Variants in ANKRD26 observed in about 807,000 individuals in gnomAD.
ANKRD26 encodes the protein ankyrin repeat domain-containing protein 26.
ANKRD26 carries 141 observed loss-of-function variants against 208.7 expected under a neutral mutation model. That is an observed-to-expected ratio of 0.68 (90% CI 0.59 to 0.78). ANKRD26 has a LOEUF of 0.78. ANKRD26 is among the 30% of genes least tolerant of loss of function. The probability of loss-of-function intolerance (pLI) is 0.00; values close to 1 mark genes in which losing one functional copy is unlikely to be tolerated. For synonymous variants in ANKRD26, 636 were observed against 660.4 expected (o/e 0.96, Z 0.57); for missense variants, 1,889 against 1,938.7 (o/e 0.97, Z 0.48).
chr10:26,956,516 T>C, the ANKRD26 span, among the ~76,000 whole-genome samples: 2 of 152,102 alleles, frequency 1.3e-5, no homozygotes, highest in African/African-American at 2.4e-5. Context: ...TCTGTAATCG[T>C]AGCACTTTGG....
chr10:26,957,594 T>G, the ANKRD26 span, among the ~76,000 whole-genome samples: 1 of 152,128 alleles, frequency 6.6e-6, no homozygotes, highest in African/African-American at 2.4e-5. Flanking sequence ...GGGTATGGTA[T>G]CTGACTAATT....
chr10:27,061,795 G>T, intron 12 of ANKRD26: 3 of 276,750 alleles, frequency 1.1e-5, no homozygotes, highest in Non-Finnish European at 1.6e-5. Flanking sequence ...AAACTCCTGG[G>T]CTCCAGCAAC....
chr10:27,002,247 G>A (rs369775520), downstream of ANKRD26, among the ~76,000 whole-genome samples: 18 of 152,240 alleles, frequency 1.2e-4, no homozygotes, highest in African/African-American at 3.1e-4. Flanking sequence ...CTTAGGGGCC[G>A]GGACACAAGA....
chr10:27,095,318 C>T (rs7910430), intron 1 of ANKRD26, among the ~76,000 whole-genome samples: 72,899 of 151,900 alleles, frequency 0.48, 20,792 homozygotes, highest in Non-Finnish European at 0.64. Context: ...CATAAATTTT[C>T]AAAAGGGTAA....
Position 27,037,185 on chromosome 10 carries a change from C to T in ANKRD26, c.2697+1G>A, listed in dbSNP as rs1354561255. The stretch of plus-strand genomic sequence containing the variant: ...AAAATGACTAAAGGAAATAGAAATA[C>T]CTCAGAATTCATTTTCTTTTGAGCC... On this transcript the variant is annotated splice_donor_variant, in intron 23 of 33. Transcript: ENST00000376087. LOFTEE classifies it high-confidence loss of function. 1.9e-6 allele frequency: 3 copies of T among 1,612,780 alleles called. No homozygotes were observed. The highest frequency in any genetic ancestry group is 2.2e-5 in the South Asian group (2 of 91,012).
chr10:27,098,589 C>G lies in ANKRD26; in HGVS notation c.242+1496G>C, dbSNP rs1401286107. Among the ~76,000 whole-genome samples the G allele has an allele frequency of 7.3e-5, 11 of 149,894 alleles. No individual in the cohort carries two copies. The East Asian group carries it at 2.1e-3, about 29-fold the overall frequency. On this transcript the variant is annotated intron_variant, in intron 1 of 33. Coordinates refer to ENST00000376087, the MANE Select transcript of ANKRD26 (RefSeq NM_014915.3). ...TTTGAGACGGAGTCTTGCTCTGTCG[C>G]CCAGGCTGGAGTGCAGTGGCGTGAT... is the stretch of plus-strand genomic sequence containing the variant.
intron 22 of ANKRD26, 125 bp from the exon 23 acceptor site, chr10:27,037,448 ATTAC>A: frequency 9.7e-7 from 1 of 1,026,754 alleles, no homozygotes; most frequent in South Asian, 1.5e-5. Context: ...AAGAACCTTT[ATTAC>A]TCAAGAATTA....
intron 25 of ANKRD26, among the ~76,000 whole-genome samples, chr10:27,030,942 TA>T (rs1282177283): frequency 1.3e-5 from 2 of 152,158 alleles, no homozygotes; most frequent in Admixed American, 6.5e-5. Context: ...AATTTATAAT[TA>T]GACAAGTTTC....
At chr10:27,052,925 C>A (rs1369881278) in intron 16 of ANKRD26, among the ~76,000 whole-genome samples, 1 of 152,122 alleles carries the variant, frequency 6.6e-6, no homozygotes, top group South Asian at 2.1e-4. Context: ...ATGATTACTC[C>A]TTTAAGATGA....
chr10:27,053,317 T>C lies in ANKRD26; in HGVS notation c.1635+3A>G. The C allele has an allele frequency of 6.3e-7, 1 of 1,594,564 alleles. No individual in the cohort carries two copies. ...ACCAGAAATTTTTAAAAATATATAA[T>C]ACCTGTGGCTGGTTATTTTCACTCC... is the stretch of plus-strand genomic sequence containing the variant. On this transcript the variant is annotated splice_donor_region_variant and intron_variant, in intron 16 of 33. Coordinates refer to ENST00000376087, the MANE Select transcript of ANKRD26 (RefSeq NM_014915.3).
At chr10:27,039,541 AAT>A (rs1404420116) in intron 21 of ANKRD26, among the ~76,000 whole-genome samples, 1 of 152,154 alleles carries the variant, frequency 6.6e-6, no homozygotes, top group East Asian at 1.9e-4. Flanking sequence ...TCCTGAGAAC[AAT>A]TTAAAAATCT....
intron 7 of ANKRD26, among the ~76,000 whole-genome samples, chr10:27,078,347 A>C (rs1163687904): frequency 6.6e-6 from 1 of 152,180 alleles, no homozygotes; most frequent in Non-Finnish European, 1.5e-5. Flanking sequence ...CTGCAAATGG[A>C]GACAGACATG....
chr10:27,066,699 T>C (rs539901099), intron 10 of ANKRD26, 151 bp from the exon 11 acceptor site: 8 of 567,010 alleles, frequency 1.4e-5, no homozygotes, highest in African/African-American at 5.7e-5. Context: ...ACAAGGTTGA[T>C]GCAGTCTCAG....
intron 4 of ANKRD26, among the ~76,000 whole-genome samples, chr10:26,998,276 C>CT (rs1359294043): frequency 6.6e-6 from 1 of 152,160 alleles, no homozygotes; most frequent in African/African-American, 2.4e-5. Flanking sequence ...ATGATCTAAT[C>CT]TGATTCTTTT....
intron 27 of ANKRD26, among the ~76,000 whole-genome samples, chr10:27,027,683 G>A (rs2053709739): frequency 6.6e-6 from 1 of 152,092 alleles, no homozygotes; most frequent in African/African-American, 2.4e-5. Context: ...GTATTACCAT[G>A]AATACAATAA....
intron 1 of ANKRD26, among the ~76,000 whole-genome samples, chr10:27,094,256 TC>T (rs1430159886): frequency 6.6e-6 from 1 of 152,230 alleles, no homozygotes; most frequent in Non-Finnish European, 1.5e-5. Context: ...AAAGGGTATG[TC>T]TTTATTAGCA....
chr10:27,001,422 C>G (rs1371171730), downstream of ANKRD26, among the ~76,000 whole-genome samples: 3 of 152,136 alleles, frequency 2.0e-5, no homozygotes, highest in African/African-American at 4.8e-5. Flanking sequence ...CTCTCCCCTG[C>G]AGAGAGAGGG....
intron 18 of ANKRD26, among the ~76,000 whole-genome samples, chr10:27,044,499 C>T (rs141721926): frequency 5.1e-4 from 76 of 149,356 alleles, no homozygotes; most frequent in Non-Finnish European, 9.5e-4. Context: ...TTGCATTATT[C>T]AATAGAAAGA....
intron 6 of ANKRD26, chr10:27,080,609 T>A: frequency 1.0e-6 from 1 of 982,986 alleles, no homozygotes; most frequent in Non-Finnish European, 1.2e-6. Context: ...TTTCCCTAAG[T>A]ACTATCTAAA....
Sources: gnomAD v4.1 joint callset for allele counts (sites outside exome capture counted in the v4.1 genomes callset) on GRCh38, gnomAD v4.1.1 for gene constraint, MANE v1.5 for transcripts, NCBI Gene and HGNC (gene_info 2026-07-23, HGNC 2026-07-21) for gene names.